ASAP1: variants seen among roughly 807,000 people sequenced by gnomAD.
The protein encoded by ASAP1 is ArfGAP with SH3 domain, ankyrin repeat and PH domain 1.
ASAP1 carries 43 observed loss-of-function variants against 145.2 expected under a neutral mutation model. The ratio of observed to expected loss-of-function variants is 0.30; its 90% CI spans 0.23 to 0.38. The LOEUF is 0.38. ASAP1 is among the 10% of genes least tolerant of loss of function. ASAP1 has a pLI of 1.00. For missense variants in ASAP1, 1,018 were observed against 1,355.3 expected (o/e 0.75, Z 3.91); for synonymous variants, 546 against 515.5 (o/e 1.06, Z -0.80).
intron 15 of ASAP1, among the ~76,000 whole-genome samples, chr8:130,134,077 G>A (rs912604150): frequency 6.6e-6 from 1 of 152,204 alleles, no homozygotes; most frequent in African/African-American, 2.4e-5. Flanking sequence ...GGTGAGGCTT[G>A]AGCAGAATCT....
intron 5 of ASAP1, among the ~76,000 whole-genome samples, chr8:130,210,374 T>C (rs1816504364): frequency 6.6e-6 from 1 of 152,116 alleles, no homozygotes; most frequent in Non-Finnish European, 1.5e-5. Flanking sequence ...ATGGAAAACG[T>C]CTCAGTTTTA....
At chr8:130,100,323 T>C (rs2097526531) in intron 24 of ASAP1, among the ~76,000 whole-genome samples, 1 of 151,848 alleles carries the variant, frequency 6.6e-6, no homozygotes, top group African/African-American at 2.4e-5. Context: ...GTTTTCTTTC[T>C]TTCTTTCTTT....
intron 14 of ASAP1, among the ~76,000 whole-genome samples, chr8:130,135,672 C>G (rs2097592955): frequency 6.6e-6 from 1 of 152,146 alleles, no homozygotes; most frequent in East Asian, 1.9e-4. Context: ...ATAGGGCTTT[C>G]ATGAGGATTA....
intron 15 of ASAP1, among the ~76,000 whole-genome samples, chr8:130,132,944 A>G (rs2097585363): frequency 6.6e-6 from 1 of 152,142 alleles, no homozygotes; most frequent in Non-Finnish European, 1.5e-5. Context: ...TTCCCCAGAG[A>G]AGATTGTGTG....
chr8:130,071,009 G>GAGAGAGAGA lies in ASAP1; in HGVS notation c.2701+5338_2701+5339insTCTCTCTCT, dbSNP rs1450787966. 2.9e-3 allele frequency among the ~76,000 whole-genome samples: 20 copies of GAGAGAGAGA among 7,012 alleles called. 2 individuals are homozygous for GAGAGAGAGA. Among genetic ancestry groups the GAGAGAGAGA allele is most frequent in the Admixed American group, 0.017 (6 of 356 alleles). 4.6% of individuals were successfully genotyped at this position (7,012 alleles called of 152,430 possible). ...GGAGAGAGAGAGAGAGAGGGGAGGGGGGGAGAGAGAGAGAGAGAGAGAGAG... is the reference window on the plus strand; with the variant it reads ...GGAGAGAGAGAGAGAGAGGGGAGGGGAGAGAGAGAGGGAGAGAGAGAGAGAGAGAGAGAG... On this transcript the variant is annotated intron_variant, in intron 27 of 29. Coordinates refer to ENST00000518721, the MANE Select transcript of ASAP1 (RefSeq NM_018482.4).
In ASAP1 at chr8:130,358,353, C is replaced by G. The variant is rs1826478904; in HGVS notation, c.60-210G>C. Reference sequence around the variant, plus strand: ...CGGCGGCGGCGCTGGCGGGGCTCGGCGCGGGGCCCTTCAAACTCCAAGCCG... The same window carrying G: ...CGGCGGCGGCGCTGGCGGGGCTCGGGGCGGGGCCCTTCAAACTCCAAGCCG... On this transcript the variant is annotated intron_variant, in intron 2 of 29. Coordinates refer to ENST00000518721, the MANE Select transcript of ASAP1 (RefSeq NM_018482.4). The surrounding 1 kb of genome is among the most constrained non-coding windows in gnomAD (Gnocchi z 4.1). 6.8e-6 allele frequency among the ~76,000 whole-genome samples: 1 copy of G among 147,552 alleles called. No individual in the cohort carries two copies. The highest frequency in any genetic ancestry group is 1.5e-5 in the Non-Finnish European group (1 of 66,226).
chr8:130,076,472 C>A, intron 26 of ASAP1, 66 bp from the exon 27 acceptor site: 3 of 1,139,686 alleles, frequency 2.6e-6, no homozygotes, highest in South Asian at 1.3e-5. Context: ...AAATATTATT[C>A]AAGTAAATCA....
At chr8:130,316,317 G>A (rs1823660527) in intron 3 of ASAP1, among the ~76,000 whole-genome samples, 1 of 152,062 alleles carries the variant, frequency 6.6e-6, no homozygotes, top group African/African-American at 2.4e-5. Flanking sequence ...ATCCATATTG[G>A]TAAACATCAA....
intron 2 of ASAP1, among the ~76,000 whole-genome samples, chr8:130,363,968 G>A (rs1003238251): frequency 6.6e-6 from 1 of 152,048 alleles, no homozygotes; most frequent in African/African-American, 2.4e-5. Flanking sequence ...TTTACACTTA[G>A]GCTCATGTTC....
intron 3 of ASAP1, among the ~76,000 whole-genome samples, chr8:130,301,976 CA>C (rs1207275661): frequency 6.6e-6 from 1 of 152,188 alleles, no homozygotes; most frequent in Non-Finnish European, 1.5e-5. Context: ...GGGGTGTCCC[CA>C]AAATCTAGAG....
Position 130,181,030 on chromosome 8 carries a change from G to T in ASAP1, c.531-150C>A, listed in dbSNP as rs893519239. On this transcript the variant is annotated intron_variant, in intron 7 of 29. Transcript: ENST00000518721. ...TATCAATTGTACCACTCTGGTGGGG[G>T]TCAGTGATAACGGGGGAGGCTGTGC... 1.4e-5 allele frequency: 8 copies of T among 570,662 alleles called. No individual in the cohort carries two copies. In the Admixed American group the frequency reaches 1.9e-4, roughly 14 times the overall value. The allele number at this position is 570,662 out of a possible 1,614,324, so 35.3% of individuals were successfully genotyped here. A position where few individuals can be genotyped will look rare whatever the true frequency, so the allele number is the denominator to read the frequency against.
intron 1 of ASAP1, among the ~76,000 whole-genome samples, chr8:130,418,676 AC>A (rs1829589881): frequency 6.6e-6 from 1 of 151,890 alleles, no homozygotes; most frequent in African/African-American, 2.4e-5. Flanking sequence ...TCCCCGTTCC[AC>A]CCTCTACACA....
At position 130,411,407 on chromosome 8, in the gene ASAP1, C is replaced by A. The variant is rs1232839067; in HGVS notation, c.-27-9437G>T. Reference sequence around the variant, plus strand: ...CAGGAAACAATATCCCAGCTCCTTGCCCCTTGGTTCTGACAACCTGAGAGG... The same window carrying A: ...CAGGAAACAATATCCCAGCTCCTTGACCCTTGGTTCTGACAACCTGAGAGG... On this transcript the variant is annotated intron_variant, in intron 1 of 29. Transcript: ENST00000518721. Among the ~76,000 whole-genome samples the A allele has an allele frequency of 7.9e-5, 12 of 152,172 alleles. No homozygotes were observed. The East Asian group carries it at 2.3e-3, about 29-fold the overall frequency.
At chr8:130,096,619 C>T (rs1382642080) in intron 24 of ASAP1, among the ~76,000 whole-genome samples, 1 of 152,182 alleles carries the variant, frequency 6.6e-6, no homozygotes, top group African/African-American at 2.4e-5. Context: ...AGAAGATCTT[C>T]TAAGAGGAAG....
At chr8:130,306,397 C>A (rs1822994340) in intron 3 of ASAP1, among the ~76,000 whole-genome samples, 1 of 152,118 alleles carries the variant, frequency 6.6e-6, no homozygotes, top group Admixed American at 6.5e-5. Context: ...TTAAATGTCC[C>A]TCTCCCCACA....
At chr8:130,373,849 GAAAAAA>G (rs1170269915) in intron 2 of ASAP1, among the ~76,000 whole-genome samples, 1 of 50,912 alleles carries the variant, frequency 2.0e-5, no homozygotes, top group Non-Finnish European at 4.1e-5. Flanking sequence ...GGAGTCTCCA[GAAAAAA>G]AAAAAAAAAA....
At chr8:130,211,338 T>C (rs1816567755) in intron 5 of ASAP1, among the ~76,000 whole-genome samples, 1 of 152,204 alleles carries the variant, frequency 6.6e-6, no homozygotes, top group Non-Finnish European at 1.5e-5. Flanking sequence ...TATGCACTGT[T>C]AATGCCAACA....
intron 3 of ASAP1, among the ~76,000 whole-genome samples, chr8:130,264,761 G>A (rs1820141391): frequency 6.6e-6 from 1 of 152,130 alleles, no homozygotes; most frequent in South Asian, 2.1e-4. Context: ...AACATGCCGG[G>A]TGACAGTGCT....
chr8:130,118,486 T>A lies in ASAP1; in HGVS notation c.1794+3A>T. 1 of 1,602,656 alleles carries A rather than the reference T, an allele frequency of 6.2e-7. No individual in the cohort carries two copies. Among genetic ancestry groups the A allele is most frequent in the South Asian group, 1.1e-5 (1 of 89,264 alleles). On this transcript the variant is annotated splice_donor_region_variant and intron_variant, in intron 19 of 29. Transcript: ENST00000518721. ...TTATCCAATGATTTTAGTGAGGCCTTACCTGCCCAGGTTCCAGCAGTGGTT... is the reference window on the plus strand; with the variant it reads ...TTATCCAATGATTTTAGTGAGGCCTAACCTGCCCAGGTTCCAGCAGTGGTT...
Sources: gnomAD v4.1 joint callset for allele counts (sites outside exome capture counted in the v4.1 genomes callset) on GRCh38, gnomAD v4.1.1 for gene constraint, Gnocchi (gnomAD v3.1) non-coding constraint, MANE v1.5 for transcripts, NCBI Gene and HGNC (gene_info 2026-07-23, HGNC 2026-07-21) for gene names.